ASAH2: variants seen among roughly 807,000 people sequenced by gnomAD.
ASAH2 encodes the protein N-acylsphingosine amidohydrolase 2.
ASAH2 carries 58 observed loss-of-function variants against 82.9 expected under a neutral mutation model. That is an observed-to-expected ratio of 0.70 (90% CI 0.57 to 0.87). The LOEUF is 0.87. ASAH2 is among the 40% of genes least tolerant of loss of function. The probability of loss-of-function intolerance (pLI) is 0.00; values close to 1 mark genes in which losing one functional copy is unlikely to be tolerated. For missense variants in ASAH2, 779 were observed against 834.0 expected, an observed-to-expected ratio of 0.93 and a Z score of 0.81; for synonymous variants, 276 against 289.7, an observed-to-expected ratio of 0.95 and a Z score of 0.48.
At chr10:50,199,922 CTTT>C (rs1307563240) in intron 16 of ASAH2, among the ~76,000 whole-genome samples, 1 of 151,680 alleles carries the variant, frequency 6.6e-6, no homozygotes, top group African/African-American at 2.4e-5. Flanking sequence ...ACCCAGATCT[CTTT>C]TTTTATATTT....
Position 50,218,776 on chromosome 10 carries a change from T to C in ASAH2, c.894-146A>G, listed in dbSNP as rs1383725781. Reference sequence around the variant, plus strand: ...TACATCTACATTCTTTCATTGTTCATGGGCTTAAAAATACAATGCAAAAAA... The same window carrying C: ...TACATCTACATTCTTTCATTGTTCACGGGCTTAAAAATACAATGCAAAAAA... On this transcript the variant is annotated intron_variant, in intron 7 of 20. Coordinates refer to ENST00000682911, the MANE Select transcript of ASAH2 (RefSeq NM_019893.4). 8.7e-6 allele frequency: 8 copies of C among 922,270 alleles called. No homozygotes were observed. The East Asian group carries it at 2.0e-4, about 23-fold the overall frequency. 57.1% of individuals were successfully genotyped at this position (922,270 alleles called of 1,614,324 possible). A position where few individuals can be genotyped will look rare whatever the true frequency, so the allele number is the denominator to read the frequency against.
In ASAH2 at chr10:50,233,296, G is replaced by A. The variant is rs1846062781; in HGVS notation, c.816-35C>T. On this transcript the variant is annotated intron_variant, in intron 6 of 20. Coordinates refer to ENST00000682911, the MANE Select transcript of ASAH2 (RefSeq NM_019893.4). ...AAAACAGAAAAGCACAGTCAGTTCT[G>A]TGTTAGAGCCTAACCCTCATGTAAG... 4.8e-6 allele frequency: 7 copies of A among 1,469,026 alleles called. No individual in the cohort carries two copies. The South Asian group carries it at 7.9e-5, about 17-fold the overall frequency. The allele number at this position is 1,469,026 out of a possible 1,614,324, so 91.0% of individuals were successfully genotyped here. A position where few individuals can be genotyped will look rare whatever the true frequency, so the allele number is the denominator to read the frequency against.
intron 7 of ASAH2, among the ~76,000 whole-genome samples, chr10:50,223,940 C>T (rs1372640192): frequency 1.3e-5 from 2 of 152,150 alleles, no homozygotes; most frequent in African/African-American, 4.8e-5. Context: ...CCCCTTAGAG[C>T]CTCCAGAAGG....
rs1358604500 is a variant in ASAH2, at chr10:50,195,632, T to C, written c.2004+1141A>G. 2.7e-3 allele frequency among the ~76,000 whole-genome samples: 409 copies of C among 151,826 alleles called. 1 individual carries two copies. Among genetic ancestry groups the C allele is most frequent in the Non-Finnish European group, 5.2e-3 (352 of 67,800 alleles). Reference sequence around the variant, plus strand: ...AGCACTGTTCACAATAGCCAAGATATGAAACAACCTAAGTGTTCATCAATG... The same window carrying C: ...AGCACTGTTCACAATAGCCAAGATACGAAACAACCTAAGTGTTCATCAATG... On this transcript the variant is annotated intron_variant, in intron 18 of 20. Transcript: ENST00000682911.
chr10:50,214,599 G>T, intron 9 of ASAH2, 144 bp downstream of exon 9: 2 of 988,810 alleles, frequency 2.0e-6, no homozygotes, highest in Non-Finnish European at 3.1e-6. Flanking sequence ...GTTTGGACAG[G>T]TGCTTTTGAG....
In ASAH2 at chr10:50,205,974, T is replaced by C. The variant is rs938048749; in HGVS notation, c.1530+8A>G. 42 of 1,592,424 alleles carry C rather than the reference T, an allele frequency of 2.6e-5. No homozygotes were observed. Among genetic ancestry groups the C allele is most frequent in the Admixed American group, 1.7e-5 (1 of 59,842 alleles). ...GCTAATTTCACTATGATAACGAAAA[T>C]GCATTACTTCTCCGGTGTGAAGAAG... On this transcript the variant is annotated splice_region_variant and intron_variant, in intron 13 of 20. Coordinates refer to ENST00000682911, the MANE Select transcript of ASAH2 (RefSeq NM_019893.4).
intron 17 of ASAH2, among the ~76,000 whole-genome samples, chr10:50,197,317 G>A (rs1168002232): frequency 1.7e-4 from 25 of 151,484 alleles, no homozygotes; most frequent in Non-Finnish European, 3.5e-4. Context: ...ACTCTCACCT[G>A]GAGTGAGTAC....
intron 1 of ASAH2, among the ~76,000 whole-genome samples, 86 bp downstream of exon 1, chr10:50,251,309 T>C (rs1033046137): frequency 6.6e-6 from 1 of 152,108 alleles, no homozygotes; most frequent in South Asian, 2.1e-4. Flanking sequence ...ATTGAAGCTT[T>C]AGGGTCTCTT....
chr10:50,239,584 A>C (rs1846241755), intron 4 of ASAH2, among the ~76,000 whole-genome samples: 1 of 152,156 alleles, frequency 6.6e-6, no homozygotes, highest in Non-Finnish European at 1.5e-5. Context: ...ACACCAAAAC[A>C]CTTAAGTTTG....
rs908586564 is a variant in ASAH2 at position 50,212,526 on chromosome 10, G to A, written c.1227+446C>T. 2.0e-4 allele frequency among the ~76,000 whole-genome samples: 31 copies of A among 152,214 alleles called. No homozygotes were observed. In the East Asian group the frequency reaches 5.8e-3, roughly 28 times the overall value. ...AATCTAAATCCAAGTTTCAAGAACT[G>A]GAGTTCTATGGCTCAGCTTTCTCTT... On this transcript the variant is annotated intron_variant, in intron 10 of 20. Coordinates refer to ENST00000682911, the MANE Select transcript of ASAH2 (RefSeq NM_019893.4).
In ASAH2 at chr10:50,234,431, C is replaced by T; in HGVS notation, c.809G>A (p.Arg270Lys). 1 of 1,613,044 alleles carries T rather than the reference C, an allele frequency of 6.2e-7. No individual in the cohort carries two copies. Among genetic ancestry groups the T allele is most frequent in the Admixed American group, 1.7e-5 (1 of 59,958 alleles). Residue 270 changes from arginine (R) to lysine (K), a missense_variant, in exon 6 of 21, where the codon AGA becomes AAA. Arg to Lys is a conservative substitution (Grantham distance 26, BLOSUM62 2). This residue lies in a region of ASAH2 where 759 missense variants were observed against 755.2 expected (regional missense o/e 1.00). Coordinates refer to ENST00000682911, the MANE Select transcript of ASAH2 (RefSeq NM_019893.4). Reference protein sequence around the residue: ...YSYLQNPQSERARYSSNTDKE... With the variant: ...YSYLQNPQSEKARYSSNTDKE... Reference sequence around the variant, plus strand: ...TTTGACGATTCCTCCTCACCTTGCTCTCTCTGACTGCGGATTTTGAAGGTA... The same window carrying T: ...TTTGACGATTCCTCCTCACCTTGCTTTCTCTGACTGCGGATTTTGAAGGTA...
At chr10:50,211,842 T>A (rs763931474) in intron 10 of ASAH2, among the ~76,000 whole-genome samples, 22,800 of 152,084 alleles carry the variant, frequency 0.15, 2,018 homozygotes, top group East Asian at 0.33. Context: ...AGAGCTCTCA[T>A]AAGTCATCAG....
chr10:50,246,147 G>C (rs1417250666), intron 2 of ASAH2, among the ~76,000 whole-genome samples: 5 of 152,008 alleles, frequency 3.3e-5, no homozygotes, highest in Non-Finnish European at 7.4e-5. Context: ...CAAATATCAA[G>C]GGAAGCAGAA....
At chr10:50,218,487 C>T (rs1372754793) in intron 8 of ASAH2, 23 bp downstream of exon 8, 1 of 1,613,648 alleles carries the variant, frequency 6.2e-7, no homozygotes, top group Non-Finnish European at 8.5e-7. Context: ...CAAGATGAAG[C>T]TTTCAATGAT....
intron 16 of ASAH2, among the ~76,000 whole-genome samples, chr10:50,202,110 C>T (rs1845164464): frequency 6.6e-6 from 1 of 152,058 alleles, no homozygotes; most frequent in East Asian, 1.9e-4. Flanking sequence ...AAGGCAGGGA[C>T]CTTCAGGAAA....
chr10:50,235,201 A>G (rs945534905), intron 5 of ASAH2, among the ~76,000 whole-genome samples: 1 of 152,130 alleles, frequency 6.6e-6, no homozygotes, highest in East Asian at 1.9e-4. Context: ...CAGTTTGCAA[A>G]ACATCAATGT....
At chr10:50,238,186 G>T (rs1846205479) in intron 4 of ASAH2, among the ~76,000 whole-genome samples, 1 of 152,118 alleles carries the variant, frequency 6.6e-6, no homozygotes, top group African/African-American at 2.4e-5. Context: ...TTTACAAATT[G>T]GTTCTTATGA....
chr10:50,207,131 A>G (rs1845321570), intron 12 of ASAH2, among the ~76,000 whole-genome samples: 1 of 151,916 alleles, frequency 6.6e-6, no homozygotes, highest in Non-Finnish European at 1.5e-5. Context: ...ATCATGAATG[A>G]AAATGAAAAC....
intron 7 of ASAH2, among the ~76,000 whole-genome samples, chr10:50,229,661 C>T (rs1845977703): frequency 6.6e-6 from 1 of 152,110 alleles, no homozygotes; most frequent in African/African-American, 2.4e-5. Flanking sequence ...CAACACCCTG[C>T]CCTGTTGACC....
Sources: allele counts gnomAD v4.1 joint callset (sites outside exome capture counted in the v4.1 genomes callset), GRCh38; gene constraint gnomAD v4.1.1; regional missense constraint gnomAD v4.1.1; transcripts MANE v1.5; gene names NCBI Gene and HGNC (gene_info 2026-07-23, HGNC 2026-07-21).